IRX2: variants seen among roughly 807,000 people sequenced by gnomAD.
The protein encoded by IRX2 is iroquois homeobox 2.
Under a neutral mutation model 42.9 loss-of-function variants are expected in IRX2, and 26 were observed. The observed-to-expected ratio is 0.61, with a 90% CI of 0.44 to 0.84. IRX2 has a LOEUF of 0.84. IRX2 is among the 40% of genes least tolerant of loss of function. IRX2 has a pLI of 0.00. For synonymous variants in IRX2, 424 were observed against 353.9 expected (o/e 1.20, Z -2.22); for missense variants, 782 against 713.9 (o/e 1.10, Z -1.09).
At position 2,751,248 on chromosome 5, in the gene IRX2, C is replaced by T. The variant is rs1737961676; in HGVS notation, c.166G>A (p.Ala56Thr). ...SPYPGSAAFT[A>T]QAATGFGSPL... is the part of the protein sequence containing the mutation. ...CTCCCGAAGCCGGTGGCCGCCTGCG[C>T]CGTGAAGGCCGCCGAGCCCGGGTAG... The change falls in exon 1 of 4, where the codon GCG (alanine) becomes ACG (threonine). Residue 56 changes from alanine to threonine, a missense_variant. Physicochemically the swap from Ala to Thr is moderately conservative, Grantham distance 58. Around this residue, in one of 3 missense-constraint regions of IRX2, gnomAD observed 256 missense variants for 250.0 expected, o/e 1.02. Transcript: ENST00000302057. This position sits in a 1 kb window ranked among gnomAD's most constrained non-coding sequence, Gnocchi z 4.0. 1 of 1,398,420 alleles carries T rather than the reference C, an allele frequency of 7.2e-7. No individual in the cohort carries two copies. Among genetic ancestry groups the T allele is most frequent in the Non-Finnish European group, 9.3e-7 (1 of 1,075,276 alleles). 86.6% of individuals were successfully genotyped at this position (1,398,420 alleles called of 1,614,324 possible). A position where few individuals can be genotyped will look rare whatever the true frequency, so the allele number is the denominator to read the frequency against.
chr5:2,748,599 G>A lies in IRX2; in HGVS notation c.1109C>T (p.Ser370Leu), dbSNP rs1403039474. 1.9e-6 allele frequency: 3 copies of A among 1,544,182 alleles called. No homozygotes were observed. Among genetic ancestry groups the A allele is most frequent in the East Asian group, 2.7e-5 (1 of 36,892 alleles). The change falls in exon 3 of 4, where the codon TCG (serine) becomes TTG (leucine). Residue 370 changes from serine to leucine, a missense_variant. Transcript: ENST00000302057. ...PASTGAPPGGSPYPASPLLGR... is the reference protein window; with the variant it reads ...PASTGAPPGGLPYPASPLLGR... ...CAGCAGCGGCGAGGCAGGGTAGGGC[G>A]AGCCTCCTGGCGGTGCCCCGGTTGA...
chr5:2,738,262 C>T, the IRX2 span, among the ~76,000 whole-genome samples: 7 of 152,226 alleles, frequency 4.6e-5, no homozygotes, highest in Admixed American at 2.0e-4. Context: ...CCCTCCCGGT[C>T]ACAGGCCTGC....
chr5:2,741,349 G>C (rs961407917), downstream of IRX2, among the ~76,000 whole-genome samples: 2 of 151,782 alleles, frequency 1.3e-5, no homozygotes, highest in Admixed American at 1.3e-4. Context: ...CTATTTGTTT[G>C]TCATTTTCCC....
the IRX2 span, among the ~76,000 whole-genome samples, chr5:2,740,317 C>T: frequency 6.6e-6 from 1 of 152,028 alleles, no homozygotes; most frequent in East Asian, 1.9e-4. Context: ...AGAAGGCGAG[C>T]GGTCACACCG....
rs5865445 is a variant in IRX2 at position 2,746,745 on chromosome 5, CTTTTTT to C, written c.*813_*818del. On this transcript the variant is annotated 3_prime_UTR_variant, in exon 4 of 4. Transcript: ENST00000302057. ...TTGGGAAGAGAGAATGGCCTGCTGA[CTTTTTT>C]TTTTTTTTTTTTTTCAAAGCAATTG... is the stretch of plus-strand genomic sequence containing the variant. The C allele has an allele frequency of 4.9e-3, 539 of 110,388 alleles. 3 individuals carry two copies. The highest frequency in any genetic ancestry group is 7.9e-3 in the Admixed American group (78 of 9,906). 6.8% of individuals were successfully genotyped at this position (110,388 alleles called of 1,614,324 possible).
At chr5:2,735,948 A>C in the IRX2 span, among the ~76,000 whole-genome samples, 1 of 152,122 alleles carries the variant, frequency 6.6e-6, no homozygotes, top group African/African-American at 2.4e-5. Context: ...GGAACTATTA[A>C]CCTCAAGGAA....
chr5:2,736,486 T>C, the IRX2 span, among the ~76,000 whole-genome samples: 2 of 152,394 alleles, frequency 1.3e-5, no homozygotes, highest in South Asian at 4.1e-4. Flanking sequence ...TTGAATATGC[T>C]AGAAGAAAAA....
intron 1 of IRX2, among the ~76,000 whole-genome samples, chr5:2,750,672 G>C (rs1055795161): frequency 1.3e-5 from 2 of 152,248 alleles, no homozygotes; most frequent in African/African-American, 4.8e-5. Flanking sequence ...CTGAATGCTC[G>C]GCTCCTGGGC....
At chr5:2,745,084 G>A (rs1236159941), downstream of IRX2, among the ~76,000 whole-genome samples, 2 of 152,202 alleles carry the variant, frequency 1.3e-5, no homozygotes, top group African/African-American at 4.8e-5. Context: ...GCCTATCGGA[G>A]CTGGCAGATG....
chr5:2,750,270 G>A (rs1350339638), intron 1 of IRX2, among the ~76,000 whole-genome samples: 3 of 152,210 alleles, frequency 2.0e-5, no homozygotes, highest in Admixed American at 2.0e-4. Context: ...TCAGAAGCCA[G>A]TCACCGTTTC....
Position 2,751,402 on chromosome 5 carries a change from C to T in IRX2, c.12G>A (p.Pro4=), listed in dbSNP as rs1321247008. The change falls in exon 1 of 4, where the codon CCG becomes CCA. Residue 4 remains proline (P), a synonymous_variant. Transcript: ENST00000302057. This position sits in a 1 kb window ranked among gnomAD's most constrained non-coding sequence, Gnocchi z 4.0. ...CGGGCGCCTGGTACAGGTAGCCCTG[C>T]GGGTAGGACATGGTGGGCGCGGGGC... MSY[P]QGYLYQAPGS... is the part of the protein sequence containing the mutation. 2.2e-6 allele frequency: 3 copies of T among 1,392,858 alleles called. No homozygotes were observed. Among genetic ancestry groups the T allele is most frequent in the Non-Finnish European group, 1.9e-6 (2 of 1,071,196 alleles). The allele number at this position is 1,392,858 out of a possible 1,614,324, so 86.3% of individuals were successfully genotyped here. A position where few individuals can be genotyped will look rare whatever the true frequency, so the allele number is the denominator to read the frequency against.
chr5:2,750,936 G>GC (rs1737934747), intron 1 of IRX2, among the ~76,000 whole-genome samples: 1 of 151,974 alleles, frequency 6.6e-6, no homozygotes, highest in Non-Finnish European at 1.5e-5. Context: ...ACGCGCGGGG[G>GC]GCGCGCGGGT....
chr5:2,748,439 G>A lies in IRX2; in HGVS notation c.1269C>T (p.Thr423=). 3 of 1,554,654 alleles carry A rather than the reference G, an allele frequency of 1.9e-6. No homozygotes were observed. Among genetic ancestry groups the A allele is most frequent in the Middle Eastern group, 2.2e-4 (1 of 4,544 alleles). ...AAAAPGEALH[T]APKAASDAGK... ...CCGCGTCGCTGGCCGCCTTTGGCGC[G>A]GTGTGCAGGGCCTCGCCGGGGGCCG... Residue 423 remains threonine (T), a synonymous_variant, in exon 3 of 4, where the codon ACC becomes ACT. Coordinates refer to ENST00000302057, the MANE Select transcript of IRX2 (RefSeq NM_033267.5).
Position 2,746,632 on chromosome 5 carries a change from A to G in IRX2, c.*932T>C, listed in dbSNP as rs932758240. The G allele has an allele frequency of 6.5e-6, 1 of 152,680 alleles. No homozygotes were observed. The allele number at this position is 152,680 out of a possible 1,614,324, so 9.5% of individuals were successfully genotyped here. A position where few individuals can be genotyped will look rare whatever the true frequency, so the allele number is the denominator to read the frequency against. ...CAATTGTTAGAGTCTGTGGGCTGAC[A>G]GTGCTGTGTGGATCCTTCTCTTTTA... On this transcript the variant is annotated 3_prime_UTR_variant, in exon 4 of 4. Transcript: ENST00000302057.
chr5:2,748,255 C>T, intron 3 of IRX2, 90 bp downstream of exon 3: 2 of 1,220,060 alleles, frequency 1.6e-6, no homozygotes, highest in Non-Finnish European at 2.1e-6. Flanking sequence ...ATCTTCTTCC[C>T]GGACCCTCCC....
chr5:2,749,062 C>T lies in IRX2; in HGVS notation c.656-10G>A. ...ACGTGCAGGCTGATCCCTGTGGGGG[C>T]GCGGGCACGGTGGGTGGCACGAGGG... On this transcript the variant is annotated splice_polypyrimidine_tract_variant and intron_variant, in intron 2 of 3. Transcript: ENST00000302057. 6.3e-7 allele frequency: 1 copy of T among 1,594,704 alleles called. No individual in the cohort carries two copies. The highest frequency in any genetic ancestry group is 1.3e-5 in the African/African-American group (1 of 74,662).
chr5:2,747,262 T>G lies in IRX2; in HGVS notation c.*302A>C. ...TATACACATGTACTATATATATACA[T>G]GTACTATATATATACATATATATAT... On this transcript the variant is annotated 3_prime_UTR_variant, in exon 4 of 4. Transcript: ENST00000302057. 5.4e-6 allele frequency: 1 copy of G among 184,348 alleles called. No homozygotes were observed. Among genetic ancestry groups the G allele is most frequent in the East Asian group, 1.2e-4 (1 of 8,178 alleles). 11.4% of individuals were successfully genotyped at this position (184,348 alleles called of 1,614,324 possible).
rs762228010 is a variant in IRX2, at chr5:2,749,638, G to A, written c.399C>T (p.Leu133=). The stretch of plus-strand genomic sequence containing the variant: ...GGTAGGGGTTCTTGCGGTGCTCGTT[G>A]AGCCAGGCCTTGAGAGTGGCCGTGG... The part of the protein sequence containing the change: ...RDATATLKAW[L]NEHRKNPYPT... Residue 133 remains leucine (L), a synonymous_variant, in exon 2 of 4, where the codon CTC becomes CTT. Transcript: ENST00000302057. The A allele has an allele frequency of 1.9e-6, 3 of 1,614,224 alleles. No homozygotes were observed. The highest frequency in any genetic ancestry group is 1.1e-5 in the South Asian group (1 of 91,088).
the IRX2 span, among the ~76,000 whole-genome samples, chr5:2,738,086 G>C: frequency 5.3e-5 from 8 of 152,242 alleles, no homozygotes; most frequent in Non-Finnish European, 1.0e-4. Context: ...AGATCATAAA[G>C]TCAGTAAATT....
Sources: allele counts gnomAD v4.1 joint callset (sites outside exome capture counted in the v4.1 genomes callset), GRCh38; gene constraint gnomAD v4.1.1; regional missense constraint gnomAD v4.1.1; non-coding constraint Gnocchi (gnomAD v3.1); transcripts MANE v1.5; gene names NCBI Gene and HGNC (gene_info 2026-07-23, HGNC 2026-07-21).